Variants in GRM8 observed in about 807,000 individuals in gnomAD.
GRM8 encodes the protein glutamate metabotropic receptor 8, also known as metabotropic glutamate receptor 8.
Under a neutral mutation model 87.2 loss-of-function variants are expected in GRM8, and 47 were observed. That is an observed-to-expected ratio of 0.54 (90% CI 0.43 to 0.69). The LOEUF is 0.69. GRM8 is among the 30% of genes least tolerant of loss of function. GRM8 has a pLI of 0.00. For synonymous variants in GRM8, 396 were observed against 404.5 expected (o/e 0.98, Z 0.25); for missense variants, 1,019 against 1,139.2 (o/e 0.89, Z 1.52).
At chr7:126,929,884 GAAACTT>G (rs1384134177) in intron 3 of GRM8, among the ~76,000 whole-genome samples, 8 of 152,306 alleles carry the variant, frequency 5.3e-5, no homozygotes, top group South Asian at 2.1e-4. Flanking sequence ...AAAATATAAA[GAAACTT>G]AAACTTAAGG....
intron 3 of GRM8, among the ~76,000 whole-genome samples, chr7:127,037,371 G>A (rs1205923546): frequency 1.3e-5 from 2 of 152,082 alleles, no homozygotes; most frequent in African/African-American, 4.8e-5. Context: ...GAAGACTTGG[G>A]GGAATTTTCC....
intron 3 of GRM8, among the ~76,000 whole-genome samples, chr7:127,048,404 G>A (rs1293474595): frequency 2.0e-5 from 3 of 152,166 alleles, no homozygotes; most frequent in African/African-American, 7.2e-5. Context: ...GCTTTACTCT[G>A]ACCAAAATGA....
intron 3 of GRM8, among the ~76,000 whole-genome samples, chr7:127,064,578 C>A (rs1392717623): frequency 6.6e-6 from 1 of 152,096 alleles, no homozygotes; most frequent in Non-Finnish European, 1.5e-5. Context: ...ATCCAGCTTG[C>A]CACTCTGTCC....
intron 6 of GRM8, among the ~76,000 whole-genome samples, chr7:126,865,548 C>T (rs1447456553): frequency 6.6e-6 from 1 of 152,156 alleles, no homozygotes; most frequent in Admixed American, 6.5e-5. Context: ...AAAAGAAGCC[C>T]TATTCCCCTT....
At chr7:126,548,258 T>C (rs1817390457) in intron 8 of GRM8, among the ~76,000 whole-genome samples, 1 of 151,892 alleles carries the variant, frequency 6.6e-6, no homozygotes. Flanking sequence ...GGCACATGTA[T>C]ACATATGTAA....
At chr7:127,173,006 G>A (rs1275094264) in intron 2 of GRM8, among the ~76,000 whole-genome samples, 2 of 152,106 alleles carry the variant, frequency 1.3e-5, no homozygotes, top group South Asian at 4.1e-4. Context: ...AGGAATAGAA[G>A]ACAAGTAACT....
intron 7 of GRM8, among the ~76,000 whole-genome samples, chr7:126,635,408 CT>C (rs2151187010): frequency 6.6e-6 from 1 of 152,212 alleles, no homozygotes; most frequent in South Asian, 2.1e-4. Flanking sequence ...CCAACTAACT[CT>C]AAAAATATAT....
intron 2 of GRM8, among the ~76,000 whole-genome samples, chr7:127,142,504 T>C (rs916563918): frequency 3.3e-5 from 5 of 152,212 alleles, no homozygotes; most frequent in Non-Finnish European, 7.3e-5. Context: ...AAGAATGACC[T>C]ATTAAGGTTC....
chr7:127,210,980 G>T (rs1203573923), intron 2 of GRM8, among the ~76,000 whole-genome samples: 1 of 152,124 alleles, frequency 6.6e-6, no homozygotes, highest in Non-Finnish European at 1.5e-5. Flanking sequence ...AGTTAGTATG[G>T]TAGAACCTTC....
intron 3 of GRM8, among the ~76,000 whole-genome samples, chr7:126,937,965 A>G (rs1411009099): frequency 6.6e-6 from 1 of 152,134 alleles, no homozygotes; most frequent in Non-Finnish European, 1.5e-5. Context: ...CAAGCTGTGA[A>G]CAGAGACTAT....
At chr7:126,809,774 C>A (rs1487501981) in intron 6 of GRM8, among the ~76,000 whole-genome samples, 1 of 152,098 alleles carries the variant, frequency 6.6e-6, no homozygotes, top group Non-Finnish European at 1.5e-5. Flanking sequence ...GCCTTTATAC[C>A]TTCACCTGGG....
chr7:126,539,260 C>A (rs1816248971), intron 8 of GRM8, among the ~76,000 whole-genome samples: 1 of 150,830 alleles, frequency 6.6e-6, no homozygotes, highest in Admixed American at 6.6e-5. Context: ...GGAAAAACTA[C>A]AAAACATCAT....
chr7:126,652,511 A>G (rs1804017821), intron 7 of GRM8, among the ~76,000 whole-genome samples: 1 of 152,192 alleles, frequency 6.6e-6, no homozygotes, highest in African/African-American at 2.4e-5. Context: ...TCTGGGTGAC[A>G]AAGAGGGTGA....
chr7:127,156,980 A>G (rs989047300), intron 2 of GRM8, among the ~76,000 whole-genome samples: 1 of 152,188 alleles, frequency 6.6e-6, no homozygotes, highest in Non-Finnish European at 1.5e-5. Flanking sequence ...AAAAAGATAT[A>G]AAGTGTAATA....
chr7:127,165,069 GA>G (rs1413497054), intron 2 of GRM8, among the ~76,000 whole-genome samples: 1 of 144,610 alleles, frequency 6.9e-6, no homozygotes, highest in Non-Finnish European at 1.5e-5. Context: ...ATGTAACGGT[GA>G]AAAACATAAA....
At position 126,505,324 on chromosome 7, in the gene GRM8, G is replaced by A. The variant is rs139404789; in HGVS notation, c.2430+27628C>T. Among the ~76,000 whole-genome samples, 290 of 152,048 alleles carry A rather than the reference G, an allele frequency of 1.9e-3. 1 individual carries two copies. Among genetic ancestry groups the A allele is most frequent in the African/African-American group, 6.1e-3 (253 of 41,494 alleles). On this transcript the variant is annotated intron_variant, in intron 9 of 10. Transcript: ENST00000339582. ...AAGTTAATACCTTAAGTATCTTCTC[G>A]AATAGACAGACTTTAGCTCTTTCCA...
intron 1 of GRM8, among the ~76,000 whole-genome samples, chr7:127,248,230 C>T (rs1241068135): frequency 1.3e-5 from 2 of 152,184 alleles, no homozygotes; most frequent in African/African-American, 4.8e-5. Flanking sequence ...TGATTGCCTG[C>T]AGTGTGCCTG....
At chr7:127,120,271 C>T (rs775315076) in intron 2 of GRM8, among the ~76,000 whole-genome samples, 1 of 152,192 alleles carries the variant, frequency 6.6e-6, no homozygotes, top group Non-Finnish European at 1.5e-5. Flanking sequence ...GAAATGAAGA[C>T]TCTTTAAAAA....
intron 7 of GRM8, among the ~76,000 whole-genome samples, chr7:126,657,722 A>T (rs944544396): frequency 1.3e-5 from 2 of 152,266 alleles, no homozygotes; most frequent in Non-Finnish European, 2.9e-5. Flanking sequence ...AAACCTAATG[A>T]CATAGTGTGT....
Sources: gnomAD v4.1 joint callset for allele counts (sites outside exome capture counted in the v4.1 genomes callset) on GRCh38, gnomAD v4.1.1 for gene constraint, MANE v1.5 for transcripts, NCBI Gene and HGNC (gene_info 2026-07-23, HGNC 2026-07-21) for gene names.